Variants in CNTNAP2 observed in about 807,000 individuals in gnomAD.
CNTNAP2 encodes contactin associated protein 2.
CNTNAP2 carries 98 observed loss-of-function variants against 155.2 expected under a neutral mutation model. The ratio of observed to expected loss-of-function variants is 0.63; its 90% CI spans 0.54 to 0.75. The LOEUF is 0.75. CNTNAP2 is among the 30% of genes least tolerant of loss of function. The probability of loss-of-function intolerance (pLI) is 0.00; values close to 1 mark genes in which losing one functional copy is unlikely to be tolerated. For synonymous variants in CNTNAP2, 651 were observed against 631.2 expected, an observed-to-expected ratio of 1.03 and a Z score of -0.47; for missense variants, 1,727 against 1,688.1, an observed-to-expected ratio of 1.02 and a Z score of -0.40.
chr7:146,727,779 G>A (rs1025798248), intron 1 of CNTNAP2, among the ~76,000 whole-genome samples: 16 of 152,226 alleles, frequency 1.1e-4, no homozygotes, highest in African/African-American at 2.9e-4. Flanking sequence ...ATCTGAAGAC[G>A]ATTTTATTCG....
At chr7:147,460,171 T>G (rs1218561382) in intron 10 of CNTNAP2, among the ~76,000 whole-genome samples, 1 of 152,094 alleles carries the variant, frequency 6.6e-6, no homozygotes, top group East Asian at 1.9e-4. Flanking sequence ...TCTGCGGTGC[T>G]GCTCCACAGA....
At chr7:146,722,708 C>A (rs1324471445) in intron 1 of CNTNAP2, among the ~76,000 whole-genome samples, 1 of 145,322 alleles carries the variant, frequency 6.9e-6, no homozygotes, top group Non-Finnish European at 1.5e-5. Context: ...CACACACACA[C>A]AAAATATATA....
chr7:146,303,191 A>G (rs1800644961), intron 1 of CNTNAP2, among the ~76,000 whole-genome samples: 1 of 151,926 alleles, frequency 6.6e-6, no homozygotes, highest in Admixed American at 6.6e-5. Flanking sequence ...TGATGGGGAA[A>G]CAAGAGAAAA....
intron 1 of CNTNAP2, among the ~76,000 whole-genome samples, chr7:146,537,259 C>T (rs920232625): frequency 9.9e-5 from 15 of 151,878 alleles, no homozygotes; most frequent in African/African-American, 3.4e-4. Context: ...CACAGAATTA[C>T]TGTCTATTAT....
At chr7:146,516,305 A>G (rs1374995049) in intron 1 of CNTNAP2, among the ~76,000 whole-genome samples, 1 of 152,032 alleles carries the variant, frequency 6.6e-6, no homozygotes, top group Non-Finnish European at 1.5e-5. Flanking sequence ...AAATTTATCT[A>G]TGTTTTTCTG....
At position 148,121,227 on chromosome 7, in the gene CNTNAP2, C is replaced by T. The variant is rs1286320266; in HGVS notation, c.2554+2939C>T. ...TTTTTGTATTTTTAGTAGAGACGGG[C>T]TTTCACCATCTTGGCCAGGCTGGTC... On this transcript the variant is annotated intron_variant, in intron 16 of 23. Transcript: ENST00000361727. Among the ~76,000 whole-genome samples the T allele has an allele frequency of 2.6e-5, 4 of 151,930 alleles. No homozygotes were observed. In the East Asian group the frequency reaches 7.8e-4, roughly 30 times the overall value.
intron 9 of CNTNAP2, among the ~76,000 whole-genome samples, chr7:147,349,966 C>T (rs1406743710): frequency 2.0e-5 from 3 of 151,798 alleles, no homozygotes; most frequent in African/African-American, 7.2e-5. Context: ...AAAGATTATC[C>T]CACATGCCTG....
At chr7:147,901,250 G>T (rs1440881705) in intron 13 of CNTNAP2, among the ~76,000 whole-genome samples, 1 of 152,046 alleles carries the variant, frequency 6.6e-6, no homozygotes, top group Non-Finnish European at 1.5e-5. Context: ...AATCCATTTT[G>T]CAGAAATCTA....
chr7:147,865,870 C>T (rs776035479), intron 13 of CNTNAP2, among the ~76,000 whole-genome samples: 4 of 151,998 alleles, frequency 2.6e-5, no homozygotes, highest in African/African-American at 9.7e-5. Flanking sequence ...TTCAAAAAAC[C>T]AGCTCCTGGT....
chr7:147,008,233 A>G (rs1226742125), intron 3 of CNTNAP2, among the ~76,000 whole-genome samples: 1 of 152,062 alleles, frequency 6.6e-6, no homozygotes, highest in Non-Finnish European at 1.5e-5. Flanking sequence ...TGAATGACCT[A>G]CTCAAGGAAG....
At chr7:146,673,330 C>G (rs1387529042) in intron 1 of CNTNAP2, among the ~76,000 whole-genome samples, 1 of 152,120 alleles carries the variant, frequency 6.6e-6, no homozygotes, top group East Asian at 1.9e-4. Context: ...AAAGTTCACT[C>G]ATAATATGTC....
At chr7:147,682,514 C>T (rs1205969330) in intron 13 of CNTNAP2, among the ~76,000 whole-genome samples, 1 of 151,904 alleles carries the variant, frequency 6.6e-6, no homozygotes, top group Non-Finnish European at 1.5e-5. Flanking sequence ...CAAAATTTAA[C>T]TTAGTTTGAA....
At chr7:146,631,998 C>A (rs1391384979) in intron 1 of CNTNAP2, among the ~76,000 whole-genome samples, 1 of 152,122 alleles carries the variant, frequency 6.6e-6, no homozygotes. Flanking sequence ...TCCAACCATT[C>A]ATATGATGTA....
At chr7:147,882,149 A>G (rs1353673003) in intron 13 of CNTNAP2, among the ~76,000 whole-genome samples, 1 of 152,236 alleles carries the variant, frequency 6.6e-6, no homozygotes, top group Non-Finnish European at 1.5e-5. Flanking sequence ...TAATCAGAAA[A>G]AAAAATCATA....
chr7:146,288,793 ATTTTTTTTTTTTTTTT>A (rs757136036), intron 1 of CNTNAP2, among the ~76,000 whole-genome samples: 2 of 100,016 alleles, frequency 2.0e-5, no homozygotes, highest in Non-Finnish European at 3.7e-5. Flanking sequence ...AAAATTAGTA[ATTTTTTTTTTTTTTTT>A]TTTTTTTTTT....
At chr7:148,247,919 G>T (rs930369290) in intron 20 of CNTNAP2, among the ~76,000 whole-genome samples, 1 of 151,940 alleles carries the variant, frequency 6.6e-6, no homozygotes, top group Non-Finnish European at 1.5e-5. Flanking sequence ...CTCCCAAAGT[G>T]CTGGGATTAC....
chr7:148,409,833 C>CTTG (rs1563077702), intron 23 of CNTNAP2, among the ~76,000 whole-genome samples: 22 of 93,692 alleles, frequency 2.3e-4, no homozygotes, highest in African/African-American at 5.2e-4. Flanking sequence ...GGGCGGATCA[C>CTTG]AAGGTCAGGA....
At chr7:147,467,330 TTAAAA>T (rs1798138280) in intron 10 of CNTNAP2, among the ~76,000 whole-genome samples, 1 of 152,256 alleles carries the variant, frequency 6.6e-6, no homozygotes, top group East Asian at 1.9e-4. Flanking sequence ...AGAATAAACC[TTAAAA>T]TAATTTATTG....
intron 3 of CNTNAP2, among the ~76,000 whole-genome samples, chr7:146,930,273 G>A (rs1318122970): frequency 1.3e-5 from 2 of 152,070 alleles, no homozygotes; most frequent in African/African-American, 2.4e-5. Context: ...AAGAGAGTGG[G>A]GGCCAATATG....
Sources: allele counts gnomAD v4.1 joint callset (sites outside exome capture counted in the v4.1 genomes callset), GRCh38; gene constraint gnomAD v4.1.1; transcripts MANE v1.5; gene names NCBI Gene and HGNC (gene_info 2026-07-23, HGNC 2026-07-21).